Variants in PCDHGA3 observed in about 807,000 individuals in gnomAD.
PCDHGA3 encodes protocadherin gamma-A3.
Under a neutral mutation model 58.5 loss-of-function variants are expected in PCDHGA3, and 40 were observed. The observed-to-expected ratio is 0.68, with a 90% CI of 0.53 to 0.89. The LOEUF is 0.89. Ranked by LOEUF, PCDHGA3 falls within the 40% of genes least tolerant of loss-of-function variation. PCDHGA3 has a pLI of 0.00. For missense variants in PCDHGA3, 1,223 were observed against 1,195.9 expected (o/e 1.02, Z -0.33); for synonymous variants, 530 against 525.7 (o/e 1.01, Z -0.11).
chr5:141,415,740 GTTTTTTTTTTT>G lies in PCDHGA3; in HGVS notation c.2424+69305_2424+69315del, dbSNP rs57426385. On this transcript the variant is annotated intron_variant, in intron 1 of 3. Transcript: ENST00000253812. ...TGAGTAGAATTTGATGTTTATTAAGGTTTTTTTTTTTTTTTTTTTTTTTTTTTTTTTTACTT... is the reference window on the plus strand; with the variant it reads ...TGAGTAGAATTTGATGTTTATTAAGGTTTTTTTTTTTTTTTTTTTTTACTT... 695 of 624,702 alleles carry G rather than the reference GTTTTTTTTTTT, an allele frequency of 1.1e-3. 1 individual carries two copies. Among genetic ancestry groups the G allele is most frequent in the East Asian group, 1.8e-3 (27 of 14,732 alleles). 38.7% of individuals were successfully genotyped at this position (624,702 alleles called of 1,614,324 possible).
At chr5:141,400,830 T>G (rs1194053653) in intron 1 of PCDHGA3, among the ~76,000 whole-genome samples, 2 of 152,244 alleles carry the variant, frequency 1.3e-5, no homozygotes, top group African/African-American at 2.4e-5. Flanking sequence ...GTTGTCTCAT[T>G]CTTTAACATG....
chr5:141,385,730 A>G (rs763520161), intron 1 of PCDHGA3: 8 of 214,510 alleles, frequency 3.7e-5, no homozygotes, highest in Non-Finnish European at 5.7e-5. Flanking sequence ...GTTCTGAAAG[A>G]TTTCTTCCAT....
intron 1 of PCDHGA3, among the ~76,000 whole-genome samples, chr5:141,483,517 CCTGA>C (rs72004558): frequency 0.16 from 24,470 of 151,950 alleles, 2,064 homozygotes; most frequent in African/African-American, 0.21. Context: ...CCCCCTAGAT[CCTGA>C]CTAAGGAAGC....
At chr5:141,369,787 A>G (rs1340381540) in intron 1 of PCDHGA3, among the ~76,000 whole-genome samples, 2 of 152,346 alleles carry the variant, frequency 1.3e-5, no homozygotes, top group African/African-American at 4.8e-5. Context: ...GCCTCTTTAT[A>G]CTACGTCTTC....
intron 1 of PCDHGA3, chr5:141,366,006 C>T (rs760966863): frequency 1.5e-5 from 25 of 1,614,122 alleles, no homozygotes; most frequent in African/African-American, 6.7e-5. Flanking sequence ...AACGACAATA[C>T]GCCTGAGATC....
At chr5:141,381,403 A>G (rs1036443196) in intron 1 of PCDHGA3, among the ~76,000 whole-genome samples, 2 of 152,244 alleles carry the variant, frequency 1.3e-5, no homozygotes, top group East Asian at 1.9e-4. Context: ...CTCTATCAAC[A>G]TCAGTGGAGA....
Position 141,418,262 on chromosome 5 carries a change from A to G in PCDHGA3, c.2424+71805A>G. On this transcript the variant is annotated intron_variant, in intron 1 of 3. Transcript: ENST00000253812. Reference sequence around the variant, plus strand: ...TAATGACCACGCCCCTCAATTCCGGAAAGATGAAATAAACTTAGAAATCAG... The same window carrying G: ...TAATGACCACGCCCCTCAATTCCGGGAAGATGAAATAAACTTAGAAATCAG... 2 of 1,614,068 alleles carry G rather than the reference A, an allele frequency of 1.2e-6. No homozygotes were observed. The highest frequency in any genetic ancestry group is 1.7e-6 in the Non-Finnish European group (2 of 1,179,902).
Position 141,422,444 on chromosome 5 carries a change from T to TA in PCDHGA3, c.2425-72361dup, listed in dbSNP as rs1171104340. 1.9e-6 allele frequency: 3 copies of TA among 1,610,490 alleles called. No homozygotes were observed. The Admixed American group carries it at 5.1e-5, about 27-fold the overall frequency. ...ACTTATGGAAATTATTACAAATTGA[T>TA]AACAAGCAGAGTGCTGGACAGGGAG... On this transcript the variant is annotated intron_variant, in intron 1 of 3. Coordinates refer to ENST00000253812, the MANE Select transcript of PCDHGA3 (RefSeq NM_018916.4).
chr5:141,388,923 TTCCAG>T (rs1561622090), intron 1 of PCDHGA3: 2 of 1,614,002 alleles, frequency 1.2e-6, no homozygotes, highest in Admixed American at 1.7e-5. Context: ...AGAAGTGATA[TTCCAG>T]TCTCTACCCA....
chr5:141,366,288 C>A (rs1020562585), intron 1 of PCDHGA3: 2 of 1,613,748 alleles, frequency 1.2e-6, no homozygotes, highest in Non-Finnish European at 1.7e-6. Context: ...GGCCAGCCCC[C>A]TCTGTCAGCC....
chr5:141,467,057 T>TG, intron 1 of PCDHGA3, among the ~76,000 whole-genome samples: 1 of 144,752 alleles, frequency 6.9e-6, no homozygotes, highest in Non-Finnish European at 1.5e-5. Context: ...AATGTTTTCT[T>TG]TTTTTTTTTT....
chr5:141,487,377 C>G lies in PCDHGA3; in HGVS notation c.2425-7430C>G, dbSNP rs758216933. On this transcript the variant is annotated intron_variant, in intron 1 of 3. Coordinates refer to ENST00000253812, the MANE Select transcript of PCDHGA3 (RefSeq NM_018916.4). This position sits in a 1 kb window ranked among gnomAD's most constrained non-coding sequence, Gnocchi z 5.0. ...CCTGCTGGCACCTGTGCCTGTCTCA[C>G]CAGATCTCGAAGGAGGGAGGGGCTT... 6.2e-7 allele frequency: 1 copy of G among 1,614,190 alleles called. No individual in the cohort carries two copies. The highest frequency in any genetic ancestry group is 1.1e-5 in the South Asian group (1 of 91,086).
chr5:141,366,741 G>A lies in PCDHGA3; in HGVS notation c.2424+20284G>A, dbSNP rs772947820. 7.4e-6 allele frequency: 12 copies of A among 1,611,708 alleles called. No homozygotes were observed. The highest frequency in any genetic ancestry group is 1.3e-5 in the African/African-American group (1 of 74,862). On this transcript the variant is annotated intron_variant, in intron 1 of 3. Coordinates refer to ENST00000253812, the MANE Select transcript of PCDHGA3 (RefSeq NM_018916.4). ...AAGGTAGATGCAAACAAAGAAGAAC[G>A]GCGAGTTCAGGTTAGTTTTCTCTTT...
chr5:141,383,310 A>C (rs1779012544), intron 1 of PCDHGA3: 1 of 1,614,004 alleles, frequency 6.2e-7, no homozygotes, highest in Non-Finnish European at 8.5e-7. Context: ...TGACGGAAGA[A>C]ATAAATGTAA....
intron 1 of PCDHGA3, chr5:141,392,761 A>G (rs1341541753): frequency 1.6e-5 from 24 of 1,476,812 alleles, no homozygotes; most frequent in Non-Finnish European, 2.1e-5. Flanking sequence ...AAACTAAATA[A>G]GACCCATTTA....
At position 141,493,061 on chromosome 5, in the gene PCDHGA3, C is replaced by G. The variant is rs1386090478; in HGVS notation, c.2425-1746C>G. On this transcript the variant is annotated intron_variant, in intron 1 of 3. Transcript: ENST00000253812. The surrounding 1 kb of genome is among the most constrained non-coding windows in gnomAD (Gnocchi z 4.3). The stretch of plus-strand genomic sequence containing the variant: ...GAGGAAACTACAATAGTAAAAAACA[C>G]AAGTTTCTCCAACTCCAGGAGCTTT... Among the ~76,000 whole-genome samples the G allele has an allele frequency of 6.6e-6, 1 of 152,228 alleles. No individual in the cohort carries two copies. Among genetic ancestry groups the G allele is most frequent in the African/African-American group, 2.4e-5 (1 of 41,446 alleles).
intron 2 of PCDHGA3, among the ~76,000 whole-genome samples, chr5:141,500,877 AT>A (rs369345007): frequency 5.2e-4 from 64 of 122,250 alleles, no homozygotes; most frequent in Admixed American, 1.0e-3. Context: ...TTCATTTACA[AT>A]TTTTTTTTTT....
intron 1 of PCDHGA3, chr5:141,405,160 C>T (rs2094616263): frequency 6.2e-7 from 1 of 1,614,028 alleles, no homozygotes; most frequent in Non-Finnish European, 8.5e-7. Flanking sequence ...CTGGTGTGCC[C>T]ACCTCACACT....
At position 141,431,468 on chromosome 5, in the gene PCDHGA3, G is replaced by A. The variant is rs756718016; in HGVS notation, c.2425-63339G>A. ...CCGCGTGATGGTTCTGGATGCGAAC[G>A]ACAACGCACCAGCGTTTGCTCAGCC... On this transcript the variant is annotated intron_variant, in intron 1 of 3. Transcript: ENST00000253812. This position sits in a 1 kb window ranked among gnomAD's most constrained non-coding sequence, Gnocchi z 4.8. The A allele has an allele frequency of 3.7e-6, 6 of 1,613,804 alleles. No homozygotes were observed. In the Admixed American group the frequency reaches 8.3e-5, roughly 22 times the overall value.
Sources: allele counts gnomAD v4.1 joint callset (sites outside exome capture counted in the v4.1 genomes callset), GRCh38; gene constraint gnomAD v4.1.1; non-coding constraint Gnocchi (gnomAD v3.1); transcripts MANE v1.5; gene names NCBI Gene and HGNC (gene_info 2026-07-23, HGNC 2026-07-21).